CSMD3: variants seen among roughly 807,000 people sequenced by gnomAD.
The protein encoded by CSMD3 is CUB and Sushi multiple domains 3, also known as CUB and sushi domain-containing protein 3.
CSMD3 carries 177 observed loss-of-function variants against 435.2 expected under a neutral mutation model. That is an observed-to-expected ratio of 0.41 (90% CI 0.36 to 0.46). CSMD3 has a LOEUF of 0.46. Among genes scored for constraint, CSMD3 ranks in the 20% least tolerant of loss-of-function variants. The pLI is 0.34. For synonymous variants in CSMD3, 1,656 were observed against 1,520.5 expected, an observed-to-expected ratio of 1.09 and a Z score of -2.07; for missense variants, 4,265 against 4,504.6, an observed-to-expected ratio of 0.95 and a Z score of 1.52.
intron 9 of CSMD3, among the ~76,000 whole-genome samples, chr8:112,935,821 A>G (rs1465511870): frequency 1.3e-5 from 2 of 152,068 alleles, no homozygotes; most frequent in Non-Finnish European, 2.9e-5. Context: ...TATAGTTTTT[A>G]AAATATTGCT....
intron 32 of CSMD3, among the ~76,000 whole-genome samples, chr8:112,414,871 T>C (rs1811739202): frequency 1.3e-5 from 2 of 152,194 alleles, no homozygotes; most frequent in Admixed American, 1.3e-4. Context: ...ATTTTGCCCC[T>C]GTGCTAGAGA....
At chr8:113,275,381 C>G (rs1422368923) in intron 3 of CSMD3, among the ~76,000 whole-genome samples, 1 of 152,024 alleles carries the variant, frequency 6.6e-6, no homozygotes, top group African/African-American at 2.4e-5. Flanking sequence ...TCTCAGTAGG[C>G]ATAAGAATCA....
chr8:112,867,101 C>G (rs1222164283), intron 10 of CSMD3, among the ~76,000 whole-genome samples: 1 of 152,100 alleles, frequency 6.6e-6, no homozygotes, highest in East Asian at 1.9e-4. Context: ...AGATGGACAA[C>G]TTTCAGCAGA....
intron 4 of CSMD3, among the ~76,000 whole-genome samples, chr8:113,156,979 G>A (rs2091947538): frequency 6.6e-6 from 1 of 150,870 alleles, no homozygotes; most frequent in East Asian, 2.0e-4. Context: ...AGAGAGAGAT[G>A]GTTTGTTTGT....
chr8:113,043,730 T>A (rs1431043934), intron 5 of CSMD3, among the ~76,000 whole-genome samples: 1 of 152,046 alleles, frequency 6.6e-6, no homozygotes, highest in East Asian at 1.9e-4. Context: ...AGTACAACCA[T>A]GTTTAGTTAG....
chr8:113,212,616 T>C (rs963151215), intron 3 of CSMD3, among the ~76,000 whole-genome samples: 1 of 152,032 alleles, frequency 6.6e-6, no homozygotes, highest in Admixed American at 6.6e-5. Context: ...GAAACCATCA[T>C]TCTCAGCAAA....
rs764531991 is a variant in CSMD3, at chr8:112,341,679, A to G, written c.6450T>C (p.His2150=). Residue 2150 remains histidine, a synonymous_variant, in exon 42 of 71, where the codon CAT becomes CAC. Transcript: ENST00000297405. ...TINLPIGFGV[H]LQFVNFSTET... is the part of the protein sequence containing the mutation. ...CTGTAGAAAAATTTACAAACTGGAG[A>G]TGTACACCTGAAGAAGAAAACAAAC... 6.3e-7 allele frequency: 1 copy of G among 1,593,854 alleles called. No individual in the cohort carries two copies. The highest frequency in any genetic ancestry group is 8.6e-7 in the Non-Finnish European group (1 of 1,161,890).
At chr8:112,822,101 T>G (rs1399419548) in intron 12 of CSMD3, among the ~76,000 whole-genome samples, 2 of 152,168 alleles carry the variant, frequency 1.3e-5, no homozygotes, top group Non-Finnish European at 2.9e-5. Flanking sequence ...CCAGTTTTGT[T>G]CTTTTTGCTT....
intron 13 of CSMD3, among the ~76,000 whole-genome samples, chr8:112,699,021 C>G (rs1338252804): frequency 6.6e-6 from 1 of 152,010 alleles, no homozygotes; most frequent in Admixed American, 6.6e-5. Context: ...ATAAAATGGA[C>G]CCATCAGCAC....
chr8:113,010,520 A>G (rs1393689012), intron 6 of CSMD3, among the ~76,000 whole-genome samples: 1 of 151,794 alleles, frequency 6.6e-6, no homozygotes, highest in Admixed American at 6.6e-5. Context: ...AAATTTTAGA[A>G]AATATTGTCC....
intron 9 of CSMD3, among the ~76,000 whole-genome samples, chr8:112,934,779 T>C (rs1360078466): frequency 2.0e-5 from 3 of 152,150 alleles, no homozygotes; most frequent in Non-Finnish European, 4.4e-5. Context: ...TGCAAAAATA[T>C]TTGGGAACTT....
intron 3 of CSMD3, among the ~76,000 whole-genome samples, 168 bp from the exon 4 acceptor site, chr8:113,174,084 G>A (rs922909782): frequency 6.6e-6 from 1 of 152,128 alleles, no homozygotes; most frequent in Admixed American, 6.5e-5. Flanking sequence ...AATATGGGAA[G>A]AAAACTAAAC....
chr8:112,682,799 C>T (rs545922335), intron 15 of CSMD3, among the ~76,000 whole-genome samples, 163 bp from the exon 16 acceptor site: 12 of 152,126 alleles, frequency 7.9e-5, no homozygotes, highest in Admixed American at 2.0e-4. Context: ...GGAGGTTCTC[C>T]TCTGACCTTA....
intron 3 of CSMD3, among the ~76,000 whole-genome samples, chr8:113,276,687 T>C (rs188391266): frequency 6.6e-6 from 1 of 152,202 alleles, no homozygotes; most frequent in Admixed American, 6.6e-5. Context: ...GACTTTTAAC[T>C]TATAAAACTG....
intron 32 of CSMD3, among the ~76,000 whole-genome samples, chr8:112,433,654 C>CAAAAAAAAAAAAAAAA (rs35572894): frequency 2.1e-4 from 20 of 93,174 alleles, no homozygotes; most frequent in South Asian, 4.2e-4. Flanking sequence ...GAGAACCTGT[C>CAAAAAAAAAAAAAAAA]AAAAAAAAAA....
At chr8:113,247,260 T>C (rs1003807898) in intron 3 of CSMD3, among the ~76,000 whole-genome samples, 1 of 152,176 alleles carries the variant, frequency 6.6e-6, no homozygotes, top group Admixed American at 6.6e-5. Context: ...CACTGAGCAG[T>C]TCTGGCTCAG....
At position 112,871,077 on chromosome 8, in the gene CSMD3, G is replaced by C. The variant is rs183118391; in HGVS notation, c.1634-11811C>G. Among the ~76,000 whole-genome samples the C allele has an allele frequency of 2.0e-3, 312 of 152,230 alleles. 1 individual carries two copies. The highest frequency in any genetic ancestry group is 7.2e-3 in the African/African-American group (298 of 41,546). Reference sequence around the variant, plus strand: ...GGTGTCCATTTCCATGGTAACATTTGATAGGATCTCATCTTTTAAAATGAA... The same window carrying C: ...GGTGTCCATTTCCATGGTAACATTTCATAGGATCTCATCTTTTAAAATGAA... On this transcript the variant is annotated intron_variant, in intron 10 of 70. Transcript: ENST00000297405.
intron 4 of CSMD3, among the ~76,000 whole-genome samples, chr8:113,105,103 GA>G (rs770306835): frequency 1.9e-4 from 29 of 151,726 alleles, no homozygotes; most frequent in Admixed American, 5.9e-4. Context: ...AAGATTTGGA[GA>G]AAAAAATATT....
chr8:113,418,574 C>T (rs1233592076), intron 1 of CSMD3, among the ~76,000 whole-genome samples: 1 of 152,144 alleles, frequency 6.6e-6, no homozygotes, highest in East Asian at 1.9e-4. Context: ...CGGGCATACA[C>T]ATACATGCAA....
Sources: allele counts gnomAD v4.1 joint callset (sites outside exome capture counted in the v4.1 genomes callset), GRCh38; gene constraint gnomAD v4.1.1; transcripts MANE v1.5; gene names NCBI Gene and HGNC (gene_info 2026-07-23, HGNC 2026-07-21).